The following MACF1 variants were observed in gnomAD, a reference collection of about 807,000 sequenced individuals.
The protein encoded by MACF1 is microtubule actin crosslinking factor 1.
MACF1 carries 193 observed loss-of-function variants against 854.8 expected under a neutral mutation model. The observed-to-expected ratio is 0.23, with a 90% CI of 0.20 to 0.25. The LOEUF (loss-of-function observed/expected upper bound fraction) is 0.25, where lower values mean the gene tolerates loss of function less well. Among genes scored for constraint, MACF1 ranks in the 10% least tolerant of loss-of-function variants. The probability of loss-of-function intolerance (pLI) is 1.00; values close to 1 mark genes in which losing one functional copy is unlikely to be tolerated. For synonymous variants in MACF1, 3,185 were observed against 3,226.7 expected (o/e 0.99, Z 0.44); for missense variants, 7,722 against 8,929.1 (o/e 0.86, Z 5.45).
Position 39,350,769 on chromosome 1 carries a change from A to C in MACF1, c.10966-16A>C, listed in dbSNP as rs754300561. On this transcript the variant is annotated splice_polypyrimidine_tract_variant and intron_variant, in intron 42 of 100. Transcript: ENST00000564288. ...TAAAGTCGAAGGCTCTGCCATTCCT[A>C]TTTTCTTGTGTTAAGGATTTACAGG... The C allele has an allele frequency of 6.3e-7, 1 of 1,598,642 alleles. No homozygotes were observed. The highest frequency in any genetic ancestry group is 8.6e-7 in the Non-Finnish European group (1 of 1,166,288).
At chr1:39,458,804 C>T (rs1470684523) in intron 90 of MACF1, 1 of 492,964 alleles carries the variant, frequency 2.0e-6, no homozygotes, top group Admixed American at 3.8e-5. Flanking sequence ...ACAACAGCTT[C>T]TACAGAATAT....
intron 26 of MACF1, among the ~76,000 whole-genome samples, chr1:39,312,514 A>G (rs992815275): frequency 6.6e-6 from 1 of 152,168 alleles, no homozygotes; most frequent in Non-Finnish European, 1.5e-5. Context: ...CAGAACAATG[A>G]TAAACATCAG....
At chr1:39,447,957 T>C (rs1644260828) in intron 82 of MACF1, 59 bp downstream of exon 82, 6 of 1,610,184 alleles carry the variant, frequency 3.7e-6, no homozygotes, top group Non-Finnish European at 3.4e-6. Flanking sequence ...ATGTATTGAG[T>C]CTCTGGGATG....
At chr1:39,369,269 C>T (rs890344717) in intron 50 of MACF1, among the ~76,000 whole-genome samples, 43 of 152,176 alleles carry the variant, frequency 2.8e-4, no homozygotes, top group African/African-American at 1.0e-3. Flanking sequence ...TGATTCCTCA[C>T]TGGACAGCCT....
intron 2 of MACF1, among the ~76,000 whole-genome samples, chr1:39,099,137 C>T (rs1203061006): frequency 6.6e-6 from 1 of 152,226 alleles, no homozygotes; most frequent in Non-Finnish European, 1.5e-5. Flanking sequence ...TGTGCACACA[C>T]ACACACTCAC....
Position 39,285,173 on chromosome 1 carries a change from C to G in MACF1, c.1222C>G (p.Leu408Val), listed in dbSNP as rs1645619122. The change falls in exon 12 of 101, where the codon CTG (leucine) becomes GTG (valine). Residue 408 changes from leucine (L) to valine (V), a missense_variant. Physicochemically the swap from Leu to Val is conservative, Grantham distance 32 (BLOSUM62 1). This residue lies in a region of MACF1 where 1,137 missense variants were observed against 1,263.0 expected (regional missense o/e 0.90). Coordinates refer to ENST00000564288, the MANE Select transcript of MACF1 (RefSeq NM_001394062.1). ...GTGGGGAAAGCTCATCATAGAGATG[C>G]TGGAACGAGAGAAATCACTTCGGCC... ...EEWGKLIIEM[L>V]EREKSLRPAV... The G allele has an allele frequency of 6.2e-7, 1 of 1,614,170 alleles. No homozygotes were observed. The highest frequency in any genetic ancestry group is 2.2e-5 in the East Asian group (1 of 44,882).
In MACF1 at chr1:39,289,590, G is replaced by T. The variant is rs187990851; in HGVS notation, c.1785+2028G>T. Reference sequence around the variant, plus strand: ...TTACTCATTTTTAATTAGATTATTAGTTTTTTTCCAGTAGAGTTGTTTGAG... The same window carrying T: ...TTACTCATTTTTAATTAGATTATTATTTTTTTTCCAGTAGAGTTGTTTGAG... On this transcript the variant is annotated intron_variant, in intron 15 of 100. Coordinates refer to ENST00000564288, the MANE Select transcript of MACF1 (RefSeq NM_001394062.1). Among the ~76,000 whole-genome samples the T allele has an allele frequency of 5.2e-3, 734 of 140,906 alleles. 5 individuals are homozygous for T. The highest frequency in any genetic ancestry group is 0.018 in the African/African-American group (708 of 38,408). The allele number at this position is 140,906 out of a possible 152,430, so 92.4% of individuals were successfully genotyped here. A position where few individuals can be genotyped will look rare whatever the true frequency, so the allele number is the denominator to read the frequency against.
intron 2 of MACF1, among the ~76,000 whole-genome samples, chr1:39,197,049 C>A (rs1441297050): frequency 6.6e-6 from 1 of 152,072 alleles, no homozygotes; most frequent in Non-Finnish European, 1.5e-5. Context: ...AAAGACTGTT[C>A]TTTGTATGAT....
chr1:39,336,318 A>G lies in MACF1; in HGVS notation c.9730A>G (p.Asn3244Asp), dbSNP rs1384684987. Residue 3244 changes from asparagine to aspartate, a missense_variant, in exon 37 of 101, where the codon AAC becomes GAC. This residue lies in a region of MACF1 where 854 missense variants were observed against 852.6 expected (regional missense o/e 1.00). Transcript: ENST00000564288. ...TGGAGAGAAATTTCTAGAAATGGCA[A>G]ACCCTAATGTTGCAGGTCTAGAAGC... ...LTGEKFLEMA[N>D]PNVAGLEAGS... 6.2e-7 allele frequency: 1 copy of G among 1,614,076 alleles called. No individual in the cohort carries two copies. Among genetic ancestry groups the G allele is most frequent in the African/African-American group, 1.3e-5 (1 of 74,922 alleles).
intron 49 of MACF1, 24 bp downstream of exon 49, chr1:39,361,701 G>C: frequency 6.2e-7 from 1 of 1,610,416 alleles, no homozygotes; most frequent in African/African-American, 1.3e-5. Flanking sequence ...TGCCATGTTA[G>C]CAGAATAAAG....
At chr1:39,109,602 C>CT (rs76099761) in intron 2 of MACF1, among the ~76,000 whole-genome samples, 463 of 146,094 alleles carry the variant, frequency 3.2e-3, no homozygotes, top group Middle Eastern at 0.021. Flanking sequence ...CTTTTCTCTC[C>CT]TTTTTTTTTT....
intron 80 of MACF1, among the ~76,000 whole-genome samples, chr1:39,445,698 G>A (rs1177466433): frequency 6.6e-6 from 1 of 152,192 alleles, no homozygotes; most frequent in Non-Finnish European, 1.5e-5. Flanking sequence ...GGTGGCTCAC[G>A]CCTGTAATTC....
At chr1:39,278,053 C>G (rs1645470515) in intron 6 of MACF1, among the ~76,000 whole-genome samples, 1 of 152,182 alleles carries the variant, frequency 6.6e-6, no homozygotes. Context: ...AAAGGAAATT[C>G]AAGTGGAATT....
intron 1 of MACF1, among the ~76,000 whole-genome samples, chr1:39,207,499 C>T (rs1207396886): frequency 1.3e-5 from 2 of 151,822 alleles, no homozygotes; most frequent in Admixed American, 6.6e-5. Context: ...AGGCTGGTCT[C>T]GAACTCCTGA....
chr1:39,090,975 C>A (rs1226925005), intron 2 of MACF1, among the ~76,000 whole-genome samples: 1 of 49,674 alleles, frequency 2.0e-5, no homozygotes, highest in East Asian at 1.6e-3. Flanking sequence ...ATGTCAGTTA[C>A]AAGCCTGCCA....
Position 39,303,047 on chromosome 1 carries a change from C to T in MACF1, c.2758C>T (p.Pro920Ser). Residue 920 changes from proline (P) to serine (S), a missense_variant, in exon 23 of 101, where the codon CCC becomes TCC. Around this residue, in one of 15 missense-constraint regions of MACF1, gnomAD observed 1,137 missense variants for 1,263.0 expected, o/e 0.90. Transcript: ENST00000564288. The part of the protein sequence containing the change: ...VPSVCFLIPP[P>S]NKDAIEMASR... Reference sequence around the variant, plus strand: ...GTCAGTCTGCTTCCTCATCCCCCCACCCAATAAGGATGCCATTGAGATGGC... The same window carrying T: ...GTCAGTCTGCTTCCTCATCCCCCCATCCAATAAGGATGCCATTGAGATGGC... 5.0e-6 allele frequency: 8 copies of T among 1,614,156 alleles called. No homozygotes were observed. The highest frequency in any genetic ancestry group is 6.8e-6 in the Non-Finnish European group (8 of 1,179,988).
chr1:39,424,254 A>G (rs1193311429), intron 61 of MACF1, 60 bp downstream of exon 61: 2 of 1,436,436 alleles, frequency 1.4e-6, no homozygotes. Flanking sequence ...TCTTCGACTT[A>G]TTATCACTAT....
chr1:39,429,115 A>G (rs1643816762), intron 63 of MACF1, 127 bp from the exon 64 acceptor site: 1 of 564,634 alleles, frequency 1.8e-6, no homozygotes, highest in Non-Finnish European at 3.2e-6. Context: ...TGAGGGGATC[A>G]AATATCTGAT....
At chr1:39,382,668 C>G (rs1650338152) in intron 56 of MACF1, among the ~76,000 whole-genome samples, 1 of 148,774 alleles carries the variant, frequency 6.7e-6, no homozygotes, top group African/African-American at 2.5e-5. Context: ...GACAGTAGAG[C>G]GTGACTCCGT....
Sources: allele counts gnomAD v4.1 joint callset (sites outside exome capture counted in the v4.1 genomes callset), GRCh38; gene constraint gnomAD v4.1.1; regional missense constraint gnomAD v4.1.1; transcripts MANE v1.5; gene names NCBI Gene and HGNC (gene_info 2026-07-23, HGNC 2026-07-21).